The following RBFOX2 variants were observed in gnomAD, a reference collection of about 807,000 sequenced individuals.
The protein encoded by RBFOX2 is RNA binding fox-1 homolog 2.
RBFOX2 carries 10 observed loss-of-function variants against 49.1 expected under a neutral mutation model. That is an observed-to-expected ratio of 0.20 (90% confidence interval 0.13 to 0.35). The LOEUF (loss-of-function observed/expected upper bound fraction) is 0.35. Ranked by LOEUF, RBFOX2 falls within the 10% of genes least tolerant of loss-of-function variation. RBFOX2 has a pLI of 1.00. For synonymous variants in RBFOX2, 183 were observed against 187.4 expected (o/e 0.98, Z 0.19); for missense variants, 323 against 486.9 (o/e 0.66, Z 3.17).
intron 1 of RBFOX2, among the ~76,000 whole-genome samples, chr22:35,874,525 TAAC>T (rs1382785294): frequency 6.6e-6 from 1 of 152,062 alleles, no homozygotes; most frequent in Non-Finnish European, 1.5e-5. Flanking sequence ...AAATTTGACA[TAAC>T]AATCTTAAAT....
At chr22:35,830,487 T>A (rs969963403) in intron 1 of RBFOX2, among the ~76,000 whole-genome samples, 1 of 152,220 alleles carries the variant, frequency 6.6e-6, no homozygotes, top group African/African-American at 2.4e-5. Context: ...CTGAGAAACG[T>A]GTCCTTAAGC....
chr22:35,996,785 C>G (rs8142211), intron 1 of RBFOX2: 1 of 152,058 alleles, frequency 6.6e-6, no homozygotes, highest in African/African-American at 2.4e-5. Flanking sequence ...GTTCCTTACA[C>G]GATAATATTA....
chr22:35,916,307 G>A (rs547361995), intron 1 of RBFOX2, among the ~76,000 whole-genome samples: 2 of 152,226 alleles, frequency 1.3e-5, no homozygotes, highest in South Asian at 4.2e-4. Context: ...TTTGTGACAG[G>A]GTCTCACTCT....
At chr22:35,810,077 A>G (rs1406488792) in intron 1 of RBFOX2, 73 bp from the exon 3 acceptor site, 2 of 1,448,088 alleles carry the variant, frequency 1.4e-6, no homozygotes, top group Non-Finnish European at 1.9e-6. Context: ...AAGTGAGTAT[A>G]TGGAATTCTC....
chr22:35,904,179 A>G (rs895837104), intron 1 of RBFOX2, among the ~76,000 whole-genome samples: 2 of 151,740 alleles, frequency 1.3e-5, no homozygotes, highest in Non-Finnish European at 2.9e-5. Flanking sequence ...CTCAGCTTAA[A>G]TATCACTTCC....
At chr22:35,818,514 T>C (rs527526121) in intron 1 of RBFOX2, among the ~76,000 whole-genome samples, 3 of 152,314 alleles carry the variant, frequency 2.0e-5, no homozygotes, top group African/African-American at 7.2e-5. Flanking sequence ...CCAGGTGGCA[T>C]TGCTCACACC....
At chr22:35,828,432 C>A (rs1956191463) in intron 1 of RBFOX2, among the ~76,000 whole-genome samples, 1 of 152,066 alleles carries the variant, frequency 6.6e-6, no homozygotes, top group African/African-American at 2.4e-5. Flanking sequence ...TCTGGAGAAG[C>A]CAAGACAGCA....
At chr22:35,919,359 G>A (rs961037868) in intron 1 of RBFOX2, among the ~76,000 whole-genome samples, 4 of 152,118 alleles carry the variant, frequency 2.6e-5, no homozygotes, top group African/African-American at 9.7e-5. Context: ...CCAACATGGC[G>A]AAATGCCACC....
At chr22:35,952,950 A>C (rs983571056) in intron 1 of RBFOX2, among the ~76,000 whole-genome samples, 17 of 152,056 alleles carry the variant, frequency 1.1e-4, no homozygotes, top group Non-Finnish European at 5.9e-5. Flanking sequence ...AGTGGCTCAC[A>C]CCTGTAATCC....
At chr22:35,760,459 A>T (rs1192226814) in intron 8 of RBFOX2, among the ~76,000 whole-genome samples, 2 of 152,194 alleles carry the variant, frequency 1.3e-5, no homozygotes, top group African/African-American at 4.8e-5. Flanking sequence ...CCACATAATA[A>T]TTATTACTCA....
At chr22:36,013,887 T>C (rs1247978849) in intron 1 of RBFOX2, among the ~76,000 whole-genome samples, 1 of 152,094 alleles carries the variant, frequency 6.6e-6, no homozygotes, top group Non-Finnish European at 1.5e-5. Context: ...AGGAGACATT[T>C]CATTACATAT....
chr22:35,915,421 C>T (rs1326698245), intron 1 of RBFOX2, among the ~76,000 whole-genome samples: 1 of 152,184 alleles, frequency 6.6e-6, no homozygotes, highest in Non-Finnish European at 1.5e-5. Flanking sequence ...CCCCAAACAA[C>T]TCTTTTTTTC....
At chr22:35,945,591 C>G (rs2054191604) in intron 1 of RBFOX2, among the ~76,000 whole-genome samples, 1 of 152,122 alleles carries the variant, frequency 6.6e-6, no homozygotes, top group Admixed American at 6.5e-5. Context: ...CAGGCATGTG[C>G]CACTACACCC....
At chr22:36,005,464 T>C (rs1393377331) in intron 1 of RBFOX2, among the ~76,000 whole-genome samples, 1 of 152,232 alleles carries the variant, frequency 6.6e-6, no homozygotes, top group Non-Finnish European at 1.5e-5. Flanking sequence ...CAATGCCACA[T>C]GCTAAATACC....
At chr22:35,907,139 G>A (rs1248025880) in intron 1 of RBFOX2, among the ~76,000 whole-genome samples, 1 of 152,210 alleles carries the variant, frequency 6.6e-6, no homozygotes, top group Non-Finnish European at 1.5e-5. Flanking sequence ...GAGAATGTTA[G>A]TGGCTTCCCA....
In RBFOX2 at chr22:35,809,930, C is replaced by T. The variant is rs771864443; in HGVS notation, c.102G>A (p.Pro34=). 2.3e-5 allele frequency: 37 copies of T among 1,613,798 alleles called. No individual in the cohort carries two copies. The Middle Eastern group carries it at 4.9e-4, about 22-fold the overall frequency. Residue 34 remains proline (P), a synonymous_variant, in exon 2 of 12, where the codon CCG becomes CCA. Coordinates refer to ENST00000405409, the Ensembl canonical transcript of RBFOX2. ...CATACTCTGTGGGAATTCCATTCTG[C>T]GGAGGTGGTGGAAATGGGATGGTAG... is the stretch of plus-strand genomic sequence containing the variant.
intron 1 of RBFOX2, among the ~76,000 whole-genome samples, chr22:35,892,595 A>G (rs2047379323): frequency 6.6e-6 from 1 of 152,230 alleles, no homozygotes; most frequent in African/African-American, 2.4e-5. Context: ...AACATAGTCC[A>G]GTAATTTTTC....
At chr22:35,746,611 T>C in intron 9 of RBFOX2, 50 bp from the exon 12 acceptor site, 1 of 1,275,260 alleles carries the variant, frequency 7.8e-7, no homozygotes, top group Non-Finnish European at 1.1e-6. Context: ...CCCCCAGGTG[T>C]ACAGAAAAAC....
chr22:35,953,872 G>GATACTGATGCAGTAGAGCATATACAC, intron 1 of RBFOX2, among the ~76,000 whole-genome samples: 1 of 152,160 alleles, frequency 6.6e-6, no homozygotes, highest in East Asian at 1.9e-4. Context: ...CAACAATACA[G>GATACTGATGCAGTAGAGCATATACAC]ATACTGATGC....
Sources: gnomAD v4.1 joint callset for allele counts (sites outside exome capture counted in the v4.1 genomes callset) on GRCh38, gnomAD v4.1.1 for gene constraint, MANE v1.5 for transcripts, NCBI Gene and HGNC (gene_info 2026-07-23, HGNC 2026-07-21) for gene names.